SYT2: variants seen among roughly 807,000 people sequenced by gnomAD.
SYT2 encodes synaptotagmin-2.
In SYT2, 15 loss-of-function variants were observed where a neutral mutation model predicts 39.9. That is an observed-to-expected ratio of 0.38 (90% CI 0.25 to 0.58). SYT2 has a LOEUF of 0.58. Among genes scored for constraint, SYT2 ranks in the 20% least tolerant of loss-of-function variants. The pLI is 0.70. For missense variants in SYT2, 389 were observed against 530.3 expected (o/e 0.73, Z 2.62); for synonymous variants, 181 against 204.5 (o/e 0.89, Z 0.98).
At chr1:202,648,268 C>G (rs1227309846) in intron 1 of SYT2, among the ~76,000 whole-genome samples, 1 of 151,272 alleles carries the variant, frequency 6.6e-6, no homozygotes, top group Non-Finnish European at 1.5e-5. Context: ...GCAACCTCCG[C>G]CTCCCAGGTT....
At position 202,703,539 on chromosome 1, in the gene SYT2, TC is replaced by T. The variant is rs368886532; in HGVS notation, c.-18+6718del. On this transcript the variant is annotated intron_variant, in intron 1 of 8. Transcript: ENST00000367268. ...AGCAGGAAACTGGGAGAAGAGCCCTTCTCCCCTGCAGCCTCTCCCTCTTGGC... is the reference window on the plus strand; with the variant it reads ...AGCAGGAAACTGGGAGAAGAGCCCTTTCCCCTGCAGCCTCTCCCTCTTGGC... Among the ~76,000 whole-genome samples the T allele has an allele frequency of 8.4e-4, 128 of 152,108 alleles. 1 individual carries two copies. In the East Asian group the frequency reaches 0.014, roughly 17 times the overall value.
intron 1 of SYT2, among the ~76,000 whole-genome samples, chr1:202,629,857 AGGCAGCTGGTGGGGG>A (rs1691521009): frequency 1.7e-5 from 1 of 57,504 alleles, no homozygotes; most frequent in South Asian, 9.0e-4. Context: ...CATACCCAGC[AGGCAGCTGGTGGGGG>A]GGGGGGGGTG....
At chr1:202,650,027 G>A (rs1476854161) in intron 1 of SYT2, among the ~76,000 whole-genome samples, 2 of 152,230 alleles carry the variant, frequency 1.3e-5, no homozygotes, top group African/African-American at 2.4e-5. Flanking sequence ...CGGACATGGG[G>A]AGCGATTCCA....
rs1558437010 is a variant in SYT2 at position 202,626,397 on chromosome 1, G to GTTTT, written c.-17-20609_-17-20608insAAAA. Among the ~76,000 whole-genome samples the GTTTT allele has an allele frequency of 6.0e-4, 61 of 102,436 alleles. 1 individual carries two copies. The East Asian group carries it at 0.014, about 24-fold the overall frequency. The allele number at this position is 102,436 out of a possible 152,430, so 67.2% of individuals were successfully genotyped here. On this transcript the variant is annotated intron_variant, in intron 1 of 8. Coordinates refer to ENST00000367268, the MANE Select transcript of SYT2 (RefSeq NM_177402.5). ...TTGCATCTCCCAAGACAGCCTCTCA[G>GTTTT]CTTTTTTTTTTTTTTTTTTTTTTTT...
chr1:202,654,790 G>A (rs1163054479), intron 1 of SYT2, among the ~76,000 whole-genome samples: 1 of 152,186 alleles, frequency 6.6e-6, no homozygotes, highest in Non-Finnish European at 1.5e-5. Context: ...AGGCTTGAAG[G>A]CTGGGCCAAA....
chr1:202,628,277 C>T lies in SYT2; in HGVS notation c.-17-22488G>A, dbSNP rs547638087. 8.5e-5 allele frequency among the ~76,000 whole-genome samples: 13 copies of T among 152,282 alleles called. No homozygotes were observed. The highest frequency in any genetic ancestry group is 2.9e-4 in the African/African-American group (12 of 41,566). On this transcript the variant is annotated intron_variant, in intron 1 of 8. Transcript: ENST00000367268. The surrounding 1 kb of genome is among the most constrained non-coding windows in gnomAD (Gnocchi z 4.2). ...TCCCCAGAGGATGGAAAGAGCTGTA[C>T]TCCCAGGTAGCAGAGCAGCTCGCTT...
chr1:202,602,302 A>C (rs1572611659), intron 5 of SYT2, 76 bp downstream of exon 5: 1 of 1,486,070 alleles, frequency 6.7e-7, no homozygotes, highest in East Asian at 2.3e-5. Context: ...GCTAAGGACC[A>C]AGGAAAGGTC....
intron 1 of SYT2, among the ~76,000 whole-genome samples, chr1:202,683,076 A>T (rs1653566118): frequency 1.3e-5 from 2 of 152,238 alleles, no homozygotes; most frequent in Admixed American, 1.3e-4. Context: ...GAATGGCTAA[A>T]GTAAAAAGAC....
At chr1:202,622,272 T>C (rs763953685) in intron 1 of SYT2, among the ~76,000 whole-genome samples, 12 of 152,226 alleles carry the variant, frequency 7.9e-5, no homozygotes, top group African/African-American at 1.4e-4. Flanking sequence ...GGATAAAGTT[T>C]TAATGAATTA....
At chr1:202,641,626 T>C (rs541365768) in intron 1 of SYT2, among the ~76,000 whole-genome samples, 1 of 152,356 alleles carries the variant, frequency 6.6e-6, no homozygotes, top group East Asian at 1.9e-4. Context: ...GACTTTCCTA[T>C]GGCAAGGACT....
At chr1:202,658,999 T>C (rs1572662895) in intron 1 of SYT2, among the ~76,000 whole-genome samples, 1 of 152,210 alleles carries the variant, frequency 6.6e-6, no homozygotes, top group African/African-American at 2.4e-5. Context: ...CTCCTTCACA[T>C]AGAGGCAGAG....
intron 1 of SYT2, among the ~76,000 whole-genome samples, chr1:202,629,537 C>T (rs1421613316): frequency 6.6e-6 from 1 of 152,200 alleles, no homozygotes; most frequent in Non-Finnish European, 1.5e-5. Flanking sequence ...CTAGCTGCCA[C>T]TCCCATCCTA....
intron 1 of SYT2, among the ~76,000 whole-genome samples, chr1:202,637,878 C>T (rs535867247): frequency 4.6e-5 from 7 of 152,334 alleles, no homozygotes; most frequent in Middle Eastern, 3.4e-3. Flanking sequence ...TGGGTGGCAG[C>T]GCTGACCTCC....
chr1:202,609,539 T>A (rs911059940), intron 1 of SYT2, among the ~76,000 whole-genome samples: 3 of 152,218 alleles, frequency 2.0e-5, no homozygotes, highest in African/African-American at 7.2e-5. Flanking sequence ...CTCCACATCC[T>A]CTCCAGCACC....
chr1:202,609,017 A>C (rs1228724971), intron 1 of SYT2, among the ~76,000 whole-genome samples: 184 of 127,384 alleles, frequency 1.4e-3, no homozygotes, highest in East Asian at 2.1e-3. Context: ...CCTAATGCTA[A>C]CCCTCCACCC....
chr1:202,635,432 C>T (rs1287477026), intron 1 of SYT2, among the ~76,000 whole-genome samples: 1 of 152,174 alleles, frequency 6.6e-6, no homozygotes, highest in Non-Finnish European at 1.5e-5. Context: ...AGAAGGGAAA[C>T]CTACATTTCT....
chr1:202,701,224 C>T (rs1015974611), intron 1 of SYT2, among the ~76,000 whole-genome samples: 27 of 152,166 alleles, frequency 1.8e-4, no homozygotes, highest in African/African-American at 6.5e-4. Context: ...GTGACGAGCT[C>T]ACTTCGTTCA....
At position 202,595,772 on chromosome 1, in the gene SYT2, A is replaced by T. The variant is rs1237431324; in HGVS notation, c.*985T>A. 2 of 152,204 alleles carry T rather than the reference A, an allele frequency of 1.3e-5. No individual in the cohort carries two copies. The highest frequency in any genetic ancestry group is 2.9e-5 in the Non-Finnish European group (2 of 68,030). 9.4% of individuals were successfully genotyped at this position (152,204 alleles called of 1,614,324 possible). ...AGAAAGCATCTGTGTTTCCCACTGG[A>T]TGGGGTGAAGATCCAGGAGTTTAAT... On this transcript the variant is annotated 3_prime_UTR_variant, in exon 9 of 9. Coordinates refer to ENST00000367268, the MANE Select transcript of SYT2 (RefSeq NM_177402.5).
Position 202,602,422 on chromosome 1 carries a change from G to A in SYT2, c.589C>T (p.Arg197Trp), listed in dbSNP as rs527247729. ...KKKKYETKVHRKTLNPAFNET... is the reference protein window; with the variant it reads ...KKKKYETKVHWKTLNPAFNET... ...TTGAAGGCAGGGTTCAGTGTCTTCC[G>A]ATGGACTTTGGTCTCATATTTCTTC... The change falls in exon 5 of 9, where the codon CGG (arginine) becomes TGG (tryptophan). Residue 197 changes from arginine to tryptophan, a missense_variant. Transcript: ENST00000367268. 2.2e-5 allele frequency: 35 copies of A among 1,614,064 alleles called. No homozygotes were observed. Among genetic ancestry groups the A allele is most frequent in the African/African-American group, 1.3e-4 (10 of 74,936 alleles).
Sources: allele counts gnomAD v4.1 joint callset (sites outside exome capture counted in the v4.1 genomes callset), GRCh38; gene constraint gnomAD v4.1.1; non-coding constraint Gnocchi (gnomAD v3.1); transcripts MANE v1.5; gene names NCBI Gene and HGNC (gene_info 2026-07-23, HGNC 2026-07-21).